KIFAP3: variants seen among roughly 807,000 people sequenced by gnomAD.
The protein encoded by KIFAP3 is kinesin associated protein 3.
A neutral mutation model predicts 106.5 loss-of-function variants in KIFAP3; 68 were observed. The observed-to-expected ratio is 0.64, with a 90% CI of 0.53 to 0.78. The LOEUF is 0.78. Ranked by LOEUF, KIFAP3 falls within the 30% of genes least tolerant of loss-of-function variation. KIFAP3 has a pLI of 0.00. For synonymous variants in KIFAP3, 320 were observed against 311.5 expected (o/e 1.03, Z -0.29); for missense variants, 780 against 941.8 (o/e 0.83, Z 2.25).
chr1:170,011,317 T>C (rs969841721), intron 10 of KIFAP3, among the ~76,000 whole-genome samples: 2 of 151,930 alleles, frequency 1.3e-5, no homozygotes, highest in Non-Finnish European at 2.9e-5. Context: ...AACCACCTCC[T>C]CTAGTTCACT....
chr1:170,079,811 A>C (rs1365592548), intron 1 of KIFAP3, among the ~76,000 whole-genome samples: 1 of 151,814 alleles, frequency 6.6e-6, no homozygotes, highest in Non-Finnish European at 1.5e-5. Context: ...AAAGAATGTC[A>C]ATGTATTTTG....
At chr1:170,041,357 AC>A (rs1669969564) in intron 3 of KIFAP3, among the ~76,000 whole-genome samples, 1 of 152,152 alleles carries the variant, frequency 6.6e-6, no homozygotes, top group Non-Finnish European at 1.5e-5. Context: ...TTTTAAGAGC[AC>A]CAGCTGGGCA....
rs555757072 is a variant in KIFAP3 at position 169,935,211 on chromosome 1, T to C, written c.2274-13430A>G. 3.3e-5 allele frequency among the ~76,000 whole-genome samples: 5 copies of C among 152,206 alleles called. No homozygotes were observed. In the East Asian group the frequency reaches 9.6e-4, roughly 29 times the overall value. On this transcript the variant is annotated intron_variant, in intron 19 of 19. Transcript: ENST00000361580. ...TGAAGTTTGGGCACCTATATCAATA[T>C]AGCTTTATAGGTTTTTTTGTATAAA... is the stretch of plus-strand genomic sequence containing the variant.
intron 2 of KIFAP3, among the ~76,000 whole-genome samples, chr1:170,048,886 C>T (rs1670420361): frequency 6.6e-6 from 1 of 152,138 alleles, no homozygotes; most frequent in Non-Finnish European, 1.5e-5. Context: ...GGATTTCAAG[C>T]ACAAAACTGG....
chr1:170,055,536 G>A (rs1345730770), intron 1 of KIFAP3, 100 bp from the exon 2 acceptor site: 4 of 836,092 alleles, frequency 4.8e-6, no homozygotes, highest in Admixed American at 3.1e-5. Context: ...GGATTAACAT[G>A]TGCATTTGAA....
intron 1 of KIFAP3, among the ~76,000 whole-genome samples, chr1:170,058,350 CAG>C (rs1370718038): frequency 1.3e-5 from 2 of 152,136 alleles, no homozygotes; most frequent in African/African-American, 2.4e-5. Context: ...GAGCAAATAA[CAG>C]AGCCGTTTTA....
intron 18 of KIFAP3, among the ~76,000 whole-genome samples, chr1:169,958,753 T>A (rs1327053501): frequency 6.6e-6 from 1 of 152,206 alleles, no homozygotes; most frequent in Non-Finnish European, 1.5e-5. Context: ...TACGGCTTTA[T>A]AAATGACAAA....
At chr1:170,026,620 G>A (rs761893061) in intron 8 of KIFAP3, among the ~76,000 whole-genome samples, 2 of 152,216 alleles carry the variant, frequency 1.3e-5, no homozygotes, top group Non-Finnish European at 2.9e-5. Context: ...GAGCTGAGCA[G>A]AGAGAAACTC....
chr1:169,991,318 C>G (rs1178411275), intron 11 of KIFAP3, among the ~76,000 whole-genome samples: 7 of 148,700 alleles, frequency 4.7e-5, no homozygotes, highest in Admixed American at 1.4e-4. Flanking sequence ...TGAACTTTAG[C>G]CTGGGCAACA....
intron 8 of KIFAP3, among the ~76,000 whole-genome samples, chr1:170,027,911 A>G (rs1010129415): frequency 1.3e-5 from 2 of 152,132 alleles, no homozygotes; most frequent in African/African-American, 2.4e-5. Context: ...GCAGTCCAAG[A>G]AAAAGAGACC....
intron 9 of KIFAP3, among the ~76,000 whole-genome samples, chr1:170,021,776 T>C (rs1030010541): frequency 1.3e-5 from 2 of 151,902 alleles, no homozygotes; most frequent in African/African-American, 4.8e-5. Context: ...CAGAATAGAA[T>C]GTGAAATATG....
chr1:170,012,687 C>T (rs963394283), intron 10 of KIFAP3, among the ~76,000 whole-genome samples: 13 of 151,930 alleles, frequency 8.6e-5, no homozygotes, highest in Non-Finnish European at 1.5e-4. Context: ...CCATCATGTA[C>T]GGGATTGGTG....
intron 9 of KIFAP3, among the ~76,000 whole-genome samples, chr1:170,023,086 T>C (rs1435306651): frequency 9.2e-5 from 14 of 152,072 alleles, no homozygotes; most frequent in Admixed American, 9.2e-4. Context: ...TACCATCTTA[T>C]CATATTCTTC....
intron 1 of KIFAP3, among the ~76,000 whole-genome samples, chr1:170,062,276 A>G (rs11584929): frequency 1.3e-4 from 19 of 149,428 alleles, no homozygotes; most frequent in African/African-American, 4.6e-4. Flanking sequence ...AAAACCCACC[A>G]CCCCCAAACC....
In KIFAP3 at chr1:169,989,860, G is replaced by T. The variant is rs1053076672; in HGVS notation, c.1284+2295C>A. ...TTTATTTAATTTGGAATGAATGAAA[G>T]AACAGTCAATTAGAATTAATAAAAA... On this transcript the variant is annotated intron_variant, in intron 11 of 19. Coordinates refer to ENST00000361580, the MANE Select transcript of KIFAP3 (RefSeq NM_014970.4). Among the ~76,000 whole-genome samples, 6 of 152,052 alleles carry T rather than the reference G, an allele frequency of 3.9e-5. 1 individual carries two copies. The highest frequency in any genetic ancestry group is 6.8e-3 in the Middle Eastern group (2 of 294).
intron 19 of KIFAP3, among the ~76,000 whole-genome samples, chr1:169,943,575 T>C (rs1439686443): frequency 6.6e-6 from 1 of 152,132 alleles, no homozygotes; most frequent in East Asian, 1.9e-4. Flanking sequence ...GTTATTCTCA[T>C]TATAATATGA....
intron 10 of KIFAP3, among the ~76,000 whole-genome samples, chr1:169,998,369 A>G (rs1169815326): frequency 6.9e-6 from 1 of 145,614 alleles, no homozygotes; most frequent in Non-Finnish European, 1.5e-5. Context: ...GACTACAACT[A>G]GTGCTTCACC....
chr1:170,069,114 C>A (rs1021877595), intron 1 of KIFAP3, among the ~76,000 whole-genome samples: 3 of 152,072 alleles, frequency 2.0e-5, no homozygotes, highest in East Asian at 1.9e-4. Flanking sequence ...AATTGGATAA[C>A]CTACATGAAA....
chr1:170,039,761 T>C (rs1450564816), intron 3 of KIFAP3, among the ~76,000 whole-genome samples: 1 of 152,152 alleles, frequency 6.6e-6, no homozygotes, highest in Non-Finnish European at 1.5e-5. Context: ...GAATAGTTGC[T>C]AACTGGTTCT....
Sources: gnomAD v4.1 joint callset for allele counts (sites outside exome capture counted in the v4.1 genomes callset) on GRCh38, gnomAD v4.1.1 for gene constraint, MANE v1.5 for transcripts, NCBI Gene and HGNC (gene_info 2026-07-23, HGNC 2026-07-21) for gene names.